LEKR1: variants seen among roughly 807,000 people sequenced by gnomAD.
The protein encoded by LEKR1 is protein LEKR1.
Under a neutral mutation model 72.4 loss-of-function variants are expected in LEKR1, and 59 were observed. The ratio of observed to expected loss-of-function variants is 0.82; its 90% confidence interval spans 0.66 to 1.01. The LOEUF (loss-of-function observed/expected upper bound fraction) is 1.01, where lower values mean the gene tolerates loss of function less well. Ranked by LOEUF, LEKR1 falls within the 50% of genes least tolerant of loss-of-function variation. The pLI, the probability that LEKR1 is intolerant of heterozygous loss-of-function variation, is 0.00. For synonymous variants in LEKR1, 257 were observed against 263.2 expected, an observed-to-expected ratio of 0.98 and a Z score of 0.23; for missense variants, 728 against 759.2, an observed-to-expected ratio of 0.96 and a Z score of 0.48.
intron 12 of LEKR1, among the ~76,000 whole-genome samples, chr3:157,035,128 A>G (rs9846702): frequency 0.045 from 6,900 of 152,258 alleles, 528 homozygotes; most frequent in African/African-American, 0.16. Context: ...ACTTAATGCT[A>G]TTGCACACTT....
At chr3:156,866,734 G>C (rs1717352463) in intron 3 of LEKR1, among the ~76,000 whole-genome samples, 3 of 151,972 alleles carry the variant, frequency 2.0e-5, no homozygotes, top group African/African-American at 7.2e-5. Flanking sequence ...TGGATGGATG[G>C]GTAGGTGGAT....
intron 12 of LEKR1, among the ~76,000 whole-genome samples, chr3:157,038,340 T>C (rs904922267): frequency 1.1e-4 from 17 of 152,254 alleles, no homozygotes; most frequent in African/African-American, 3.4e-4. Context: ...AGAAATACAA[T>C]TGGGGAGGAA....
At chr3:156,965,297 A>C (rs1463430364) in intron 6 of LEKR1, among the ~76,000 whole-genome samples, 15 of 152,282 alleles carry the variant, frequency 9.9e-5, no homozygotes, top group Non-Finnish European at 1.0e-4. Flanking sequence ...ATAAGTCCCT[A>C]TAAATTACAA....
intron 5 of LEKR1, among the ~76,000 whole-genome samples, chr3:156,935,556 G>A (rs1393543047): frequency 6.6e-6 from 1 of 152,080 alleles, no homozygotes; most frequent in Non-Finnish European, 1.5e-5. Flanking sequence ...TTGTAGCATA[G>A]AATTTTAAGC....
intron 10 of LEKR1, among the ~76,000 whole-genome samples, chr3:157,016,565 C>T (rs562045431): frequency 3.3e-5 from 5 of 151,608 alleles, no homozygotes; most frequent in Non-Finnish European, 5.9e-5. Context: ...TAGACCCACG[C>T]TATAAAAAAT....
chr3:156,958,855 T>A (rs1405512153), intron 6 of LEKR1, among the ~76,000 whole-genome samples: 1 of 152,128 alleles, frequency 6.6e-6, no homozygotes, highest in Non-Finnish European at 1.5e-5. Flanking sequence ...ATTTTTTTTG[T>A]CTCCTGTAAA....
chr3:156,943,526 C>T (rs749039608), intron 6 of LEKR1, among the ~76,000 whole-genome samples: 4 of 151,866 alleles, frequency 2.6e-5, no homozygotes, highest in East Asian at 1.9e-4. Flanking sequence ...ACTGGTACTA[C>T]GTTCCTAGTA....
At chr3:157,019,166 T>C (rs1016933502) in intron 10 of LEKR1, among the ~76,000 whole-genome samples, 8 of 152,184 alleles carry the variant, frequency 5.3e-5, no homozygotes, top group Non-Finnish European at 7.4e-5. Flanking sequence ...ATTTGATTCC[T>C]ACTTTGGCAT....
intron 3 of LEKR1, among the ~76,000 whole-genome samples, chr3:156,859,127 A>T (rs577609526): frequency 7.2e-5 from 11 of 152,320 alleles, no homozygotes; most frequent in African/African-American, 2.6e-4. Context: ...ATAACTTTGT[A>T]ATAGATCCAT....
chr3:156,988,534 C>T, intron 7 of LEKR1: 1 of 186,156 alleles, frequency 5.4e-6, no homozygotes, highest in Non-Finnish European at 1.2e-5. Context: ...GGAAAGTAGG[C>T]TATGCAGCAG....
intron 3 of LEKR1, among the ~76,000 whole-genome samples, chr3:156,919,535 A>G (rs1723994097): frequency 6.6e-6 from 1 of 152,186 alleles, no homozygotes; most frequent in Non-Finnish European, 1.5e-5. Flanking sequence ...GGAAATTTCT[A>G]GTATTTCCTG....
intron 3 of LEKR1, among the ~76,000 whole-genome samples, chr3:156,905,052 T>A (rs536318103): frequency 3.3e-5 from 5 of 152,268 alleles, no homozygotes; most frequent in South Asian, 2.1e-4. Context: ...GGGTACTTTT[T>A]TCCTGCCTTT....
chr3:156,859,738 C>T (rs1305938643), intron 3 of LEKR1, among the ~76,000 whole-genome samples: 1 of 152,184 alleles, frequency 6.6e-6, no homozygotes, highest in East Asian at 1.9e-4. Flanking sequence ...TCATACAGAA[C>T]AGTTTCACTA....
At chr3:156,880,695 C>A (rs13090319) in intron 3 of LEKR1, among the ~76,000 whole-genome samples, 1 of 151,910 alleles carries the variant, frequency 6.6e-6, no homozygotes, top group Non-Finnish European at 1.5e-5. Flanking sequence ...GAGACACAAC[C>A]AAAAAAGAGA....
At chr3:157,013,871 T>C (rs981083076) in intron 10 of LEKR1, among the ~76,000 whole-genome samples, 3 of 152,100 alleles carry the variant, frequency 2.0e-5, no homozygotes, top group Non-Finnish European at 4.4e-5. Context: ...ATAAACTTCA[T>C]AGCTTAAATG....
chr3:156,876,092 CT>C (rs1366037317), intron 3 of LEKR1, among the ~76,000 whole-genome samples: 3 of 150,490 alleles, frequency 2.0e-5, no homozygotes, highest in Non-Finnish European at 4.4e-5. Flanking sequence ...ATAGGGTGTC[CT>C]TTCCCTACTT....
chr3:157,005,588 T>G (rs1345422981), intron 9 of LEKR1, among the ~76,000 whole-genome samples: 1 of 152,066 alleles, frequency 6.6e-6, no homozygotes, highest in Non-Finnish European at 1.5e-5. Flanking sequence ...AAAATCAAGA[T>G]AACATATAAA....
At chr3:156,841,235 C>T (rs770738372) in intron 2 of LEKR1, among the ~76,000 whole-genome samples, 3 of 152,126 alleles carry the variant, frequency 2.0e-5, no homozygotes, top group Non-Finnish European at 4.4e-5. Flanking sequence ...GGTAAGGCAT[C>T]CTAGGCCAAA....
chr3:156,912,046 G>C (rs1375829410), intron 3 of LEKR1, among the ~76,000 whole-genome samples: 1 of 151,190 alleles, frequency 6.6e-6, no homozygotes, highest in Non-Finnish European at 1.5e-5. Context: ...TTGATACATT[G>C]ATATATTTTG....
Sources: gnomAD v4.1 joint callset for allele counts (sites outside exome capture counted in the v4.1 genomes callset) on GRCh38, gnomAD v4.1.1 for gene constraint, MANE v1.5 for transcripts, NCBI Gene and HGNC (gene_info 2026-07-23, HGNC 2026-07-21) for gene names.